KICS2: variants seen among roughly 807,000 people sequenced by gnomAD.
KICS2 encodes the protein KICSTOR subunit 2.
KICS2 carries 13 observed loss-of-function variants against 31.4 expected under a neutral mutation model. The observed-to-expected ratio is 0.41, with a 90% CI of 0.27 to 0.66. The LOEUF (loss-of-function observed/expected upper bound fraction) is 0.66, where lower values mean the gene tolerates loss of function less well. Among genes scored for constraint, KICS2 ranks in the 30% least tolerant of loss-of-function variants. The pLI, the probability that KICS2 is intolerant of heterozygous loss-of-function variation, is 0.28. For synonymous variants in KICS2, 209 were observed against 214.8 expected (o/e 0.97, Z 0.24); for missense variants, 455 against 545.4 (o/e 0.83, Z 1.65).
chr12:64,194,381 C>G lies in KICS2; in HGVS notation c.799G>C (p.Ala267Pro), dbSNP rs1159236507. ...WLMKLKNMLL[A>P]KFSFYFHEAL... Reference sequence around the variant, plus strand: ...TCATGAAAGTAAAAGCTAAACTTGGCAAGAAGCATGTTTTTGAGTTTCATC... The same window carrying G: ...TCATGAAAGTAAAAGCTAAACTTGGGAAGAAGCATGTTTTTGAGTTTCATC... The change falls in exon 3 of 3, where the codon GCC becomes CCC. Residue 267 changes from alanine (A) to proline (P), a missense_variant. Ala to Pro is a conservative substitution (Grantham distance 27). Coordinates refer to ENST00000398055, the MANE Select transcript of KICS2 (RefSeq NM_152440.5). 2.5e-6 allele frequency: 4 copies of G among 1,614,052 alleles called. No individual in the cohort carries two copies. The highest frequency in any genetic ancestry group is 3.3e-5 in the Admixed American group (2 of 60,000).
chr12:64,197,485 G>A (rs1233688086), intron 2 of KICS2, among the ~76,000 whole-genome samples: 2 of 151,066 alleles, frequency 1.3e-5, no homozygotes, highest in African/African-American at 2.4e-5. Context: ...AGTACCAGCC[G>A]CTGCAAAATC....
chr12:64,196,301 C>T (rs1197440698), intron 2 of KICS2, among the ~76,000 whole-genome samples: 62 of 151,858 alleles, frequency 4.1e-4, no homozygotes, highest in Non-Finnish European at 7.5e-4. Flanking sequence ...CCCTGACCCC[C>T]GAGCAGCCTA....
chr12:64,195,708 G>A (rs1454532507), intron 2 of KICS2, among the ~76,000 whole-genome samples: 1 of 152,246 alleles, frequency 6.6e-6, no homozygotes, highest in Non-Finnish European at 1.5e-5. Context: ...TCTCACTAGG[G>A]AGTGCCAGAC....
intron 2 of KICS2, among the ~76,000 whole-genome samples, chr12:64,195,339 A>G (rs1384379628): frequency 6.6e-6 from 1 of 152,250 alleles, no homozygotes; most frequent in Admixed American, 6.5e-5. Context: ...GGTAAAACAA[A>G]AAAAGTCACT....
chr12:64,207,936 T>C (rs2037554138), intron 2 of KICS2, among the ~76,000 whole-genome samples: 1 of 152,202 alleles, frequency 6.6e-6, no homozygotes, highest in Non-Finnish European at 1.5e-5. Context: ...AGGAACATAT[T>C]GAGTATTAGA....
chr12:64,218,426 G>A (rs1466238122), intron 1 of KICS2, among the ~76,000 whole-genome samples: 2 of 152,052 alleles, frequency 1.3e-5, no homozygotes, highest in Non-Finnish European at 2.9e-5. Flanking sequence ...ACTGGTGATA[G>A]AGCTAAAAAA....
rs1056027054 is a variant in KICS2 at position 64,192,967 on chromosome 12, A to G, written c.*875T>C. ...GTAGGCTATGTTGCATGAGTATCTAAAAGTGGCTGAAAAACCGACTGCATG... is the reference window on the plus strand; with the variant it reads ...GTAGGCTATGTTGCATGAGTATCTAGAAGTGGCTGAAAAACCGACTGCATG... On this transcript the variant is annotated 3_prime_UTR_variant, in exon 3 of 3. Coordinates refer to ENST00000398055, the MANE Select transcript of KICS2 (RefSeq NM_152440.5). 25 of 985,456 alleles carry G rather than the reference A, an allele frequency of 2.5e-5. No individual in the cohort carries two copies. The highest frequency in any genetic ancestry group is 2.7e-5 in the Non-Finnish European group (22 of 829,936). 61.0% of individuals were successfully genotyped at this position (985,456 alleles called of 1,614,324 possible).
Position 64,194,763 on chromosome 12 carries a change from C to T in KICS2, c.522-105G>A, listed in dbSNP as rs2037416987. On this transcript the variant is annotated intron_variant, in intron 2 of 2. Coordinates refer to ENST00000398055, the MANE Select transcript of KICS2 (RefSeq NM_152440.5). ...CAAAATGGCCAAACATAATATTATGCTTCAGGACAGGGGAAGAAAAGATGG... is the reference window on the plus strand; with the variant it reads ...CAAAATGGCCAAACATAATATTATGTTTCAGGACAGGGGAAGAAAAGATGG... 3 of 1,393,602 alleles carry T rather than the reference C, an allele frequency of 2.2e-6. No homozygotes were observed. In the African/African-American group the frequency reaches 4.4e-5, roughly 20 times the overall value. The allele number at this position is 1,393,602 out of a possible 1,614,324, so 86.3% of individuals were successfully genotyped here.
intron 1 of KICS2, 132 bp downstream of exon 1, chr12:64,221,871 G>T: frequency 1.0e-6 from 1 of 998,150 alleles, no homozygotes; most frequent in Non-Finnish European, 1.5e-6. Flanking sequence ...ACGGTGGGAG[G>T]AGATCTGGGA....
chr12:64,211,142 C>T (rs1232713676), intron 2 of KICS2, among the ~76,000 whole-genome samples: 2 of 152,136 alleles, frequency 1.3e-5, no homozygotes, highest in Non-Finnish European at 2.9e-5. Flanking sequence ...CCTTAGGAAT[C>T]ATATCCTTAA....
chr12:64,217,742 A>G (rs1360491031), intron 1 of KICS2, among the ~76,000 whole-genome samples: 1 of 152,070 alleles, frequency 6.6e-6, no homozygotes, highest in Non-Finnish European at 1.5e-5. Flanking sequence ...CAGAGGCTGC[A>G]GCGAGCCGAA....
Position 64,196,019 on chromosome 12 carries a change from G to C in KICS2, c.522-1361C>G, listed in dbSNP as rs1165028848. On this transcript the variant is annotated intron_variant, in intron 2 of 2. Coordinates refer to ENST00000398055, the MANE Select transcript of KICS2 (RefSeq NM_152440.5). ...CAAACTGCAAGGCGGCAGCGAGGCT[G>C]GGGGAGGGGCGCCCGCCATTGCCCA... Among the ~76,000 whole-genome samples, 4 of 152,256 alleles carry C rather than the reference G, an allele frequency of 2.6e-5. No individual in the cohort carries two copies. The South Asian group carries it at 6.2e-4, about 24-fold the overall frequency.
chr12:64,215,810 C>G lies in KICS2; in HGVS notation c.389G>C (p.Cys130Ser). The G allele has an allele frequency of 1.2e-6, 2 of 1,614,072 alleles. No individual in the cohort carries two copies. Among genetic ancestry groups the G allele is most frequent in the Non-Finnish European group, 1.7e-6 (2 of 1,180,010 alleles). Reference protein sequence around the residue: ...ELLSHLSEQLCFFVQARMEIA... With the variant: ...ELLSHLSEQLSFFVQARMEIA... ...CTCCATCCGAGCCTGAACAAAGAAG[C>G]AGAGCTGCTCTGACAGGTGGGAAAG... is the stretch of plus-strand genomic sequence containing the variant. The change falls in exon 2 of 3, where the codon TGC becomes TCC. Residue 130 changes from cysteine to serine, a missense_variant. Transcript: ENST00000398055.
intron 2 of KICS2, among the ~76,000 whole-genome samples, chr12:64,206,486 A>G (rs551829826): frequency 2.6e-5 from 4 of 152,230 alleles, no homozygotes; most frequent in Non-Finnish European, 5.9e-5. Context: ...TATAATGAAT[A>G]CAAAGTAGAA....
chr12:64,214,582 G>A (rs533668732), intron 2 of KICS2, among the ~76,000 whole-genome samples: 13 of 151,978 alleles, frequency 8.6e-5, no homozygotes, highest in African/African-American at 1.9e-4. Context: ...CCTACCTGCC[G>A]TTAAAAGCTC....
At chr12:64,188,231 AAG>A (rs2037353621), downstream of KICS2, among the ~76,000 whole-genome samples, 1 of 152,188 alleles carries the variant, frequency 6.6e-6, no homozygotes, top group Non-Finnish European at 1.5e-5. Context: ...AAACTAAGGT[AAG>A]AGAGGATGGG....
At chr12:64,207,401 A>G (rs1425623622) in intron 2 of KICS2, among the ~76,000 whole-genome samples, 1 of 150,706 alleles carries the variant, frequency 6.6e-6, no homozygotes, top group Non-Finnish European at 1.5e-5. Flanking sequence ...GCAGGATTTT[A>G]CCATATGAAG....
At chr12:64,219,880 TTCTAATGAGC>T (rs2037663571) in intron 1 of KICS2, among the ~76,000 whole-genome samples, 1 of 152,202 alleles carries the variant, frequency 6.6e-6, no homozygotes, top group African/African-American at 2.4e-5. Flanking sequence ...TATATAAATG[TTCTAATGAGC>T]AAAGTAGTTG....
intron 1 of KICS2, among the ~76,000 whole-genome samples, chr12:64,218,589 G>C (rs1021542262): frequency 3.0e-4 from 45 of 151,916 alleles, no homozygotes; most frequent in African/African-American, 9.7e-4. Context: ...GGTGAATTGG[G>C]AGCTTCAAAT....
Sources: allele counts gnomAD v4.1 joint callset (sites outside exome capture counted in the v4.1 genomes callset), GRCh38; gene constraint gnomAD v4.1.1; transcripts MANE v1.5; gene names NCBI Gene and HGNC (gene_info 2026-07-23, HGNC 2026-07-21).